The following GRID2 variants were observed in gnomAD, a reference collection of about 807,000 sequenced individuals.
GRID2 encodes glutamate receptor ionotropic, delta-2.
Under a neutral mutation model 114.8 loss-of-function variants are expected in GRID2, and 33 were observed. That is an observed-to-expected ratio of 0.29 (90% CI 0.22 to 0.38). GRID2 has a LOEUF of 0.38. Among genes scored for constraint, GRID2 ranks in the 10% least tolerant of loss-of-function variants. The probability of loss-of-function intolerance (pLI) is 1.00; values close to 1 mark genes in which losing one functional copy is unlikely to be tolerated. For missense variants in GRID2, 1,184 were observed against 1,257.7 expected (o/e 0.94, Z 0.89); for synonymous variants, 505 against 449.9 (o/e 1.12, Z -1.55).
At chr4:92,996,687 T>C (rs1452701136) in intron 2 of GRID2, among the ~76,000 whole-genome samples, 1 of 152,202 alleles carries the variant, frequency 6.6e-6, no homozygotes, top group Non-Finnish European at 1.5e-5. Flanking sequence ...TCTAGTAAAT[T>C]ACCTTTCTCT....
chr4:92,818,259 A>G (rs986216510), intron 2 of GRID2, among the ~76,000 whole-genome samples: 3 of 152,200 alleles, frequency 2.0e-5, no homozygotes, highest in Non-Finnish European at 4.4e-5. Context: ...ATATTTCTCA[A>G]TAAATTACAT....
At chr4:93,231,976 G>A (rs193294963) in intron 7 of GRID2, among the ~76,000 whole-genome samples, 90 of 152,236 alleles carry the variant, frequency 5.9e-4, no homozygotes, top group Non-Finnish European at 1.2e-3. Flanking sequence ...GCAGGCTTAG[G>A]ATATATAAAG....
chr4:93,445,099 G>A (rs867140099), intron 10 of GRID2, among the ~76,000 whole-genome samples: 1 of 151,988 alleles, frequency 6.6e-6, no homozygotes, highest in Non-Finnish European at 1.5e-5. Flanking sequence ...ATGCCTCTGA[G>A]AAATGTTCTT....
At chr4:93,466,655 G>A (rs950690907) in intron 11 of GRID2, among the ~76,000 whole-genome samples, 1 of 152,100 alleles carries the variant, frequency 6.6e-6, no homozygotes, top group South Asian at 2.1e-4. Flanking sequence ...CAGGCTGGTG[G>A]GCATGTCTGA....
intron 15 of GRID2, among the ~76,000 whole-genome samples, chr4:93,771,537 T>G (rs1734107516): frequency 6.6e-6 from 1 of 152,322 alleles, no homozygotes; most frequent in East Asian, 1.9e-4. Context: ...CAATCGCACA[T>G]ATCCTTGGCT....
chr4:93,186,038 T>C (rs1740384022), intron 4 of GRID2, among the ~76,000 whole-genome samples: 1 of 152,168 alleles, frequency 6.6e-6, no homozygotes, highest in Non-Finnish European at 1.5e-5. Flanking sequence ...AGAATGATGG[T>C]TTCCATCTTC....
At chr4:92,758,865 G>A (rs1026592347) in intron 2 of GRID2, among the ~76,000 whole-genome samples, 1 of 152,076 alleles carries the variant, frequency 6.6e-6, no homozygotes, top group Non-Finnish European at 1.5e-5. Context: ...CTTAGCTAAA[G>A]TATAAAGTTT....
At chr4:93,171,347 A>T (rs1163044675) in intron 4 of GRID2, among the ~76,000 whole-genome samples, 2 of 151,448 alleles carry the variant, frequency 1.3e-5, no homozygotes, top group Admixed American at 1.3e-4. Context: ...ACTCTCTCCA[A>T]CTCTTTGTTT....
chr4:92,886,622 T>A (rs1016821783), intron 2 of GRID2, among the ~76,000 whole-genome samples: 7 of 151,962 alleles, frequency 4.6e-5, no homozygotes, highest in Non-Finnish European at 7.4e-5. Flanking sequence ...AATTTAATTT[T>A]ATTTATTTGT....
intron 14 of GRID2, among the ~76,000 whole-genome samples, chr4:93,722,212 G>T (rs113430602): frequency 0.022 from 3,394 of 151,934 alleles, 43 homozygotes; most frequent in Admixed American, 0.025. Context: ...CACCACGCCC[G>T]GCCAATAAGT....
At chr4:92,447,161 A>C (rs887642193) in intron 1 of GRID2, among the ~76,000 whole-genome samples, 10 of 152,234 alleles carry the variant, frequency 6.6e-5, no homozygotes, top group African/African-American at 2.2e-4. Context: ...AAATAACTTT[A>C]GATAAAATAT....
At chr4:92,951,516 T>A (rs1752038239) in intron 2 of GRID2, among the ~76,000 whole-genome samples, 1 of 151,964 alleles carries the variant, frequency 6.6e-6, no homozygotes, top group South Asian at 2.1e-4. Flanking sequence ...AATTTTTTTG[T>A]ATTTTTTGCT....
chr4:93,191,501 T>C (rs1740977488), intron 4 of GRID2, among the ~76,000 whole-genome samples: 2 of 152,128 alleles, frequency 1.3e-5, no homozygotes, highest in Admixed American at 6.5e-5. Context: ...GCAACACTTA[T>C]ACAAATATAA....
At chr4:92,956,916 G>A (rs1402428114) in intron 2 of GRID2, among the ~76,000 whole-genome samples, 2 of 152,134 alleles carry the variant, frequency 1.3e-5, no homozygotes, top group Non-Finnish European at 2.9e-5. Flanking sequence ...GACATATGAT[G>A]TGGAGCATAT....
At chr4:92,665,116 T>G (rs2149271834) in intron 2 of GRID2, among the ~76,000 whole-genome samples, 1 of 151,144 alleles carries the variant, frequency 6.6e-6, no homozygotes, top group African/African-American at 2.4e-5. Flanking sequence ...TTTTTTGCAT[T>G]ACTGTCTTCT....
chr4:92,788,607 A>G (rs1739430309), intron 2 of GRID2, among the ~76,000 whole-genome samples: 1 of 151,896 alleles, frequency 6.6e-6, no homozygotes, highest in African/African-American at 2.4e-5. Context: ...ACTTAGTATT[A>G]TTTATCTTCT....
intron 1 of GRID2, among the ~76,000 whole-genome samples, chr4:92,388,561 C>G (rs907388672): frequency 3.3e-5 from 5 of 152,030 alleles, no homozygotes; most frequent in African/African-American, 1.2e-4. Context: ...CACCCTGGCT[C>G]TAAGACTCTC....
intron 2 of GRID2, among the ~76,000 whole-genome samples, chr4:92,685,050 GCTTA>G (rs917449318): frequency 3.9e-5 from 6 of 151,920 alleles, no homozygotes; most frequent in Middle Eastern, 3.4e-3. Flanking sequence ...ACCATATAAT[GCTTA>G]CTTATTTCCT....
At chr4:92,396,735 TATC>T (rs762236280) in intron 1 of GRID2, among the ~76,000 whole-genome samples, 8 of 152,056 alleles carry the variant, frequency 5.3e-5, no homozygotes, top group Non-Finnish European at 1.2e-4. Context: ...TACTCTTTAT[TATC>T]ATCCAGGAGA....
Sources: allele counts gnomAD v4.1 joint callset (sites outside exome capture counted in the v4.1 genomes callset), GRCh38; gene constraint gnomAD v4.1.1; transcripts MANE v1.5; gene names NCBI Gene and HGNC (gene_info 2026-07-23, HGNC 2026-07-21).